The following GAL3ST2 variants were observed in gnomAD, a reference collection of about 807,000 sequenced individuals.
GAL3ST2 encodes the protein beta-galactose-3-O-sulfotransferase 2.
In GAL3ST2, 16 loss-of-function variants were observed where a neutral mutation model predicts 12.9. The ratio of observed to expected loss-of-function variants is 1.24; its 90% CI spans 0.84 to 1.88. The LOEUF (loss-of-function observed/expected upper bound fraction) is 1.88, where lower values mean the gene tolerates loss of function less well. Among genes scored for constraint, GAL3ST2 ranks in the 40% most tolerant of loss-of-function variants. The pLI is 0.00. For synonymous variants in GAL3ST2, 302 were observed against 273.9 expected (o/e 1.10, Z -1.01); for missense variants, 639 against 571.8 (o/e 1.12, Z -1.20).
intron 1 of GAL3ST2, among the ~76,000 whole-genome samples, chr2:241,786,177 G>C (rs1277399118): frequency 1.4e-5 from 2 of 146,336 alleles, no homozygotes; most frequent in African/African-American, 5.2e-5. Context: ...GTGTTGGGGG[G>C]GATCTTAACC....
At position 241,803,598 on chromosome 2, in the gene GAL3ST2, TGC is replaced by T. The variant is rs1553617152; in HGVS notation, c.638_639del (p.Arg213HisfsTer160). ...AACGCGCAGTGCGAGGAGGGCTACG[TGC>T]GCGCGCGCATCGCCGAGGTGGAGCG... On this transcript the variant is annotated frameshift_variant, in exon 4 of 4. Transcript: ENST00000192314. LOFTEE classifies it low-confidence loss of function (END_TRUNC). The T allele has an allele frequency of 1.3e-6, 2 of 1,573,830 alleles. No individual in the cohort carries two copies. Among genetic ancestry groups the T allele is most frequent in the South Asian group, 1.2e-5 (1 of 86,894 alleles).
At chr2:241,797,620 C>T (rs897300966) in intron 1 of GAL3ST2, among the ~76,000 whole-genome samples, 1 of 152,262 alleles carries the variant, frequency 6.6e-6, no homozygotes, top group East Asian at 1.9e-4. Flanking sequence ...GCTCCCATGG[C>T]AGAGCCAGCC....
intron 1 of GAL3ST2, among the ~76,000 whole-genome samples, chr2:241,788,198 T>C (rs918916266): frequency 3.3e-5 from 5 of 152,156 alleles, no homozygotes; most frequent in African/African-American, 1.2e-4. Context: ...TCAAGAGTCA[T>C]GGGCAGGTTC....
At chr2:241,777,379 G>T (rs1169927743) in intron 1 of GAL3ST2, among the ~76,000 whole-genome samples, 1 of 152,144 alleles carries the variant, frequency 6.6e-6, no homozygotes, top group Non-Finnish European at 1.5e-5. Context: ...CCAGGCGCTT[G>T]CTGGAGCGTT....
rs1332526622 is a variant in GAL3ST2, at chr2:241,802,187, C to T, written c.375+151C>T. ...GGTTGGGAGGGCCTGGGCCGCACGC[C>T]CTGCTGAGCCAACCCCTGCCCCTCC... is the stretch of plus-strand genomic sequence containing the variant. On this transcript the variant is annotated intron_variant, in intron 3 of 3. Transcript: ENST00000192314. This position sits in a 1 kb window ranked among gnomAD's most constrained non-coding sequence, Gnocchi z 4.8. 8 of 1,024,106 alleles carry T rather than the reference C, an allele frequency of 7.8e-6. No individual in the cohort carries two copies. Among genetic ancestry groups the T allele is most frequent in the Non-Finnish European group, 1.1e-5 (8 of 722,868 alleles). 63.4% of individuals were successfully genotyped at this position (1,024,106 alleles called of 1,614,324 possible).
At chr2:241,783,378 A>C (rs1018444580) in intron 1 of GAL3ST2, among the ~76,000 whole-genome samples, 2 of 152,216 alleles carry the variant, frequency 1.3e-5, no homozygotes, top group African/African-American at 4.8e-5. Context: ...TAAATTTACC[A>C]TACAAGATTC....
In GAL3ST2 at chr2:241,776,999, T is replaced by C; in HGVS notation, c.29+15T>C. Reference sequence around the variant, plus strand: ...GGCTTGCAGAGGTAAGGGGGGCAGTTGGACCCCCCAGGTGGACAAAGCGCT... The same window carrying C: ...GGCTTGCAGAGGTAAGGGGGGCAGTCGGACCCCCCAGGTGGACAAAGCGCT... On this transcript the variant is annotated intron_variant, in intron 1 of 3. Coordinates refer to ENST00000192314, the MANE Select transcript of GAL3ST2 (RefSeq NM_022134.3). The C allele has an allele frequency of 6.6e-7, 1 of 1,518,932 alleles. No homozygotes were observed. Among genetic ancestry groups the C allele is most frequent in the Non-Finnish European group, 8.9e-7 (1 of 1,126,332 alleles). 94.1% of individuals were successfully genotyped at this position (1,518,932 alleles called of 1,614,324 possible). A position where few individuals can be genotyped will look rare whatever the true frequency, so the allele number is the denominator to read the frequency against.
chr2:241,791,578 A>T (rs2125193157), intron 1 of GAL3ST2, among the ~76,000 whole-genome samples: 1 of 152,300 alleles, frequency 6.6e-6, no homozygotes, highest in East Asian at 1.9e-4. Flanking sequence ...ACCTCAAGCG[A>T]TGAGGATGAC....
chr2:241,801,827 T>C lies in GAL3ST2; in HGVS notation c.166T>C (p.Phe56Leu), dbSNP rs752664663. The C allele has an allele frequency of 2.0e-5, 32 of 1,612,746 alleles. No homozygotes were observed. In the South Asian group the frequency reaches 3.4e-4, roughly 17 times the overall value. Residue 56 changes from phenylalanine (F) to leucine (L), a missense_variant, in exon 3 of 4, where the codon TTC becomes CTC. Physicochemically the swap from Phe to Leu is conservative, Grantham distance 22. Transcript: ENST00000192314. The surrounding 1 kb of genome is among the most constrained non-coding windows in gnomAD (Gnocchi z 4.4). ...GGGGCCGCCGGTCACCAACATCATG[T>C]TCCTGAAGACGCACAAGACGGCCAG... ...AEGPPVTNIM[F>L]LKTHKTASST...
Position 241,801,844 on chromosome 2 carries a change from G to A in GAL3ST2, c.183G>A (p.Lys61=). ...VTNIMFLKTH[K]TASSTVLNIL... ...ACATCATGTTCCTGAAGACGCACAA[G>A]ACGGCCAGCAGCACGGTGCTCAACA... is the stretch of plus-strand genomic sequence containing the variant. The change falls in exon 3 of 4, where the codon AAG becomes AAA. Residue 61 remains lysine, a synonymous_variant. Transcript: ENST00000192314. The surrounding 1 kb of genome is among the most constrained non-coding windows in gnomAD (Gnocchi z 4.4). 4 of 1,612,966 alleles carry A rather than the reference G, an allele frequency of 2.5e-6. No individual in the cohort carries two copies. The highest frequency in any genetic ancestry group is 3.4e-6 in the Non-Finnish European group (4 of 1,179,958).
intron 1 of GAL3ST2, among the ~76,000 whole-genome samples, chr2:241,796,212 C>T (rs887676846): frequency 2.6e-5 from 4 of 152,260 alleles, no homozygotes; most frequent in South Asian, 2.1e-4. Flanking sequence ...TGAGGGGTTC[C>T]GTCTCTGTAT....
rs1699847365 is a variant in GAL3ST2, at chr2:241,801,597, G to A, written c.120-184G>A. 1.4e-6 allele frequency: 1 copy of A among 701,956 alleles called. No individual in the cohort carries two copies. Among genetic ancestry groups the A allele is most frequent in the Middle Eastern group, 4.1e-4 (1 of 2,432 alleles). 43.5% of individuals were successfully genotyped at this position (701,956 alleles called of 1,614,324 possible). A position where few individuals can be genotyped will look rare whatever the true frequency, so the allele number is the denominator to read the frequency against. Reference sequence around the variant, plus strand: ...TTTGTGTTCGGGCCACCAGCTGGGAGGTTGTGGAGTGGGGCAAGGATTGGG... The same window carrying A: ...TTTGTGTTCGGGCCACCAGCTGGGAAGTTGTGGAGTGGGGCAAGGATTGGG... On this transcript the variant is annotated intron_variant, in intron 2 of 3. Transcript: ENST00000192314. The surrounding 1 kb of genome is among the most constrained non-coding windows in gnomAD (Gnocchi z 4.4).
In GAL3ST2 at chr2:241,801,349, ACGGTC is replaced by A; in HGVS notation, c.120-431_120-427del. 1 of 166,360 alleles carries A rather than the reference ACGGTC, an allele frequency of 6.0e-6. No homozygotes were observed. Among genetic ancestry groups the A allele is most frequent in the Non-Finnish European group, 1.3e-5 (1 of 78,680 alleles). The allele number at this position is 166,360 out of a possible 1,614,324, so 10.3% of individuals were successfully genotyped here. The stretch of plus-strand genomic sequence containing the variant: ...GGTGTAGATGTGCCACATTTTCTTT[ACGGTC>A]TCTATGTAACATTCACACCCGGCAG... On this transcript the variant is annotated intron_variant, in intron 2 of 3. Coordinates refer to ENST00000192314, the MANE Select transcript of GAL3ST2 (RefSeq NM_022134.3). The surrounding 1 kb of genome is among the most constrained non-coding windows in gnomAD (Gnocchi z 4.4).
At position 241,793,740 on chromosome 2, in the gene GAL3ST2, G is replaced by A. The variant is rs923575717; in HGVS notation, c.30-5325G>A. ...TATGCATGTGTGTATGTGTGTATAT[G>A]TATGTGTGTGTGTATTGTGTATGTG... On this transcript the variant is annotated intron_variant, in intron 1 of 3. Transcript: ENST00000192314. The surrounding 1 kb of genome is among the most constrained non-coding windows in gnomAD (Gnocchi z 4.7). Among the ~76,000 whole-genome samples, 1 of 150,774 alleles carries A rather than the reference G, an allele frequency of 6.6e-6. No individual in the cohort carries two copies. The highest frequency in any genetic ancestry group is 2.1e-4 in the South Asian group (1 of 4,734).
chr2:241,802,188 C>T lies in GAL3ST2; in HGVS notation c.375+152C>T. 1 of 1,028,860 alleles carries T rather than the reference C, an allele frequency of 9.7e-7. No individual in the cohort carries two copies. The highest frequency in any genetic ancestry group is 1.4e-6 in the Non-Finnish European group (1 of 727,118). 63.7% of individuals were successfully genotyped at this position (1,028,860 alleles called of 1,614,324 possible). On this transcript the variant is annotated intron_variant, in intron 3 of 3. Coordinates refer to ENST00000192314, the MANE Select transcript of GAL3ST2 (RefSeq NM_022134.3). This position sits in a 1 kb window ranked among gnomAD's most constrained non-coding sequence, Gnocchi z 4.8. ...GTTGGGAGGGCCTGGGCCGCACGCCCTGCTGAGCCAACCCCTGCCCCTCCA... is the reference window on the plus strand; with the variant it reads ...GTTGGGAGGGCCTGGGCCGCACGCCTTGCTGAGCCAACCCCTGCCCCTCCA...
At chr2:241,786,822 C>T (rs533821960) in intron 1 of GAL3ST2, among the ~76,000 whole-genome samples, 1 of 152,122 alleles carries the variant, frequency 6.6e-6, no homozygotes, top group South Asian at 2.1e-4. Flanking sequence ...CCATGGTTAC[C>T]GAAATGCAAA....
intron 1 of GAL3ST2, among the ~76,000 whole-genome samples, chr2:241,790,153 T>C (rs1026748411): frequency 5.7e-4 from 86 of 152,142 alleles, no homozygotes; most frequent in Non-Finnish European, 3.1e-4. Context: ...CCTTAGAAAG[T>C]GGTTTTGTAA....
chr2:241,789,737 G>A (rs905620516), intron 1 of GAL3ST2, among the ~76,000 whole-genome samples: 1 of 152,246 alleles, frequency 6.6e-6, no homozygotes, highest in African/African-American at 2.4e-5. Flanking sequence ...GTGGGCGCCT[G>A]TAATCTCAGC....
intron 1 of GAL3ST2, among the ~76,000 whole-genome samples, chr2:241,777,421 G>T (rs372579998): frequency 1.3e-5 from 2 of 152,196 alleles, no homozygotes; most frequent in East Asian, 1.9e-4. Flanking sequence ...TGCTCCCGGG[G>T]CTCTGGGTGG....
Sources: allele counts gnomAD v4.1 joint callset (sites outside exome capture counted in the v4.1 genomes callset), GRCh38; gene constraint gnomAD v4.1.1; non-coding constraint Gnocchi (gnomAD v3.1); transcripts MANE v1.5; gene names NCBI Gene and HGNC (gene_info 2026-07-23, HGNC 2026-07-21).